Variants in PCED1B observed in about 807,000 individuals in gnomAD.
PCED1B encodes the protein PC-esterase domain-containing protein 1B.
For missense variants in PCED1B, 573 were observed against 573.9 expected (o/e 1.00, Z 0.02); for synonymous variants, 251 against 246.1 (o/e 1.02, Z -0.19).
intron 3 of PCED1B, among the ~76,000 whole-genome samples, chr12:47,218,821 T>C (rs541303863): frequency 2.4e-4 from 37 of 152,086 alleles, no homozygotes; most frequent in Non-Finnish European, 4.9e-4. Context: ...TTGCTCTCAT[T>C]TTTAAATTCA....
At chr12:47,218,506 C>A (rs986708443) in intron 3 of PCED1B, among the ~76,000 whole-genome samples, 2 of 152,118 alleles carry the variant, frequency 1.3e-5, no homozygotes, top group Non-Finnish European at 2.9e-5. Context: ...AAGGCAGAGA[C>A]AGTGTCTTGC....
chr12:47,100,469 C>A (rs563519871), intron 1 of PCED1B, among the ~76,000 whole-genome samples: 27 of 152,168 alleles, frequency 1.8e-4, no homozygotes, highest in Non-Finnish European at 3.1e-4. Context: ...GGAATTCTTG[C>A]ATTTAAAGCA....
Position 47,090,952 on chromosome 12 carries a change from T to A in PCED1B, c.-609+11227T>A, listed in dbSNP as rs576710488. Among the ~76,000 whole-genome samples the A allele has an allele frequency of 2.0e-5, 3 of 152,274 alleles. No individual in the cohort carries two copies. The East Asian group carries it at 5.8e-4, about 30-fold the overall frequency. ...TCCAACAAATGGTTGTTCCAATTTT[T>A]GTCTACTAACAAGTACTGTTGCCAT... On this transcript the variant is annotated intron_variant, in intron 1 of 3. Coordinates refer to ENST00000546455, the MANE Select transcript of PCED1B (RefSeq NM_138371.3).
In PCED1B at chr12:47,112,801, C is replaced by G. The variant is rs1188229862; in HGVS notation, c.-526+8606C>G. On this transcript the variant is annotated intron_variant, in intron 2 of 3. Coordinates refer to ENST00000546455, the MANE Select transcript of PCED1B (RefSeq NM_138371.3). Reference sequence around the variant, plus strand: ...ATTCTTCCCTGGGCTCCAGGGAGTACTGGGATTATTCAAGTGCTTCCTTCC... The same window carrying G: ...ATTCTTCCCTGGGCTCCAGGGAGTAGTGGGATTATTCAAGTGCTTCCTTCC... Among the ~76,000 whole-genome samples the G allele has an allele frequency of 2.0e-5, 3 of 152,156 alleles. No individual in the cohort carries two copies. In the East Asian group the frequency reaches 5.8e-4, roughly 29 times the overall value.
At chr12:47,202,972 C>CTT (rs59472089) in intron 2 of PCED1B, among the ~76,000 whole-genome samples, 36 of 142,670 alleles carry the variant, frequency 2.5e-4, no homozygotes, top group Admixed American at 5.6e-4. Context: ...TCTTTTCTTT[C>CTT]TTTTTTTTTT....
intron 2 of PCED1B, among the ~76,000 whole-genome samples, chr12:47,112,366 G>T (rs1342483365): frequency 2.0e-5 from 3 of 152,128 alleles, no homozygotes; most frequent in Admixed American, 6.5e-5. Flanking sequence ...TAAAAGCTAT[G>T]CTTTAGAATT....
At chr12:47,172,398 A>G (rs2137559333) in intron 2 of PCED1B, among the ~76,000 whole-genome samples, 1 of 136,212 alleles carries the variant, frequency 7.3e-6, no homozygotes, top group South Asian at 2.3e-4. Flanking sequence ...GTTGTTTGGA[A>G]GCAGAGGCTG....
At chr12:47,126,292 C>G (rs1939886026) in intron 2 of PCED1B, among the ~76,000 whole-genome samples, 1 of 151,960 alleles carries the variant, frequency 6.6e-6, no homozygotes, top group Admixed American at 6.6e-5. Flanking sequence ...TCATTTTAGT[C>G]TGTTAATATG....
Position 47,104,201 on chromosome 12 carries a change from T to C in PCED1B, c.-526+6T>C, listed in dbSNP as rs989091339. 4 of 152,138 alleles carry C rather than the reference T, an allele frequency of 2.6e-5. No homozygotes were observed. Among genetic ancestry groups the C allele is most frequent in the African/African-American group, 9.7e-5 (4 of 41,430 alleles). 9.4% of individuals were successfully genotyped at this position (152,138 alleles called of 1,614,324 possible). On this transcript the variant is annotated splice_donor_region_variant and intron_variant, in intron 2 of 3. Coordinates refer to ENST00000546455, the MANE Select transcript of PCED1B (RefSeq NM_138371.3). ...ACTCTGCCTCCTACAAATATGTGAG[T>C]TTTTCTCCCCTGGCTTCATGGTAGA...
At chr12:47,180,124 G>T (rs992179562) in intron 2 of PCED1B, among the ~76,000 whole-genome samples, 1 of 152,070 alleles carries the variant, frequency 6.6e-6, no homozygotes, top group African/African-American at 2.4e-5. Context: ...CCCAGTGTGT[G>T]GTGTTCCTCA....
At chr12:47,127,633 G>A (rs1371197200) in intron 2 of PCED1B, among the ~76,000 whole-genome samples, 2 of 151,858 alleles carry the variant, frequency 1.3e-5, no homozygotes, top group Non-Finnish European at 2.9e-5. Context: ...CAAAGTGCTA[G>A]GATTACAGGT....
chr12:47,152,368 C>T (rs982815475), intron 2 of PCED1B, among the ~76,000 whole-genome samples: 12 of 152,140 alleles, frequency 7.9e-5, no homozygotes, highest in African/African-American at 2.7e-4. Context: ...CACAATATTG[C>T]TTCTGGAGTC....
intron 2 of PCED1B, among the ~76,000 whole-genome samples, chr12:47,214,057 G>T (rs1413998272): frequency 6.6e-6 from 1 of 152,244 alleles, no homozygotes; most frequent in East Asian, 1.9e-4. Context: ...AATAATGGCA[G>T]ATTTTTCAAA....
At chr12:47,180,132 T>C (rs1250243500) in intron 2 of PCED1B, among the ~76,000 whole-genome samples, 1 of 152,156 alleles carries the variant, frequency 6.6e-6, no homozygotes, top group Non-Finnish European at 1.5e-5. Flanking sequence ...GTGGTGTTCC[T>C]CACTATGTGT....
chr12:47,088,467 G>A (rs907106619), intron 1 of PCED1B, among the ~76,000 whole-genome samples: 1 of 152,152 alleles, frequency 6.6e-6, no homozygotes. Context: ...CTGGGGACTC[G>A]AAGGTGGCAT....
In PCED1B at chr12:47,230,162, A is replaced by G. The variant is rs1248325547; in HGVS notation, c.-57-4845A>G. Among the ~76,000 whole-genome samples, 12 of 128,308 alleles carry G rather than the reference A, an allele frequency of 9.4e-5. No individual in the cohort carries two copies. The East Asian group carries it at 2.9e-3, about 32-fold the overall frequency. The allele number at this position is 128,308 out of a possible 152,430, so 84.2% of individuals were successfully genotyped here. On this transcript the variant is annotated intron_variant, in intron 3 of 3. Transcript: ENST00000546455. The stretch of plus-strand genomic sequence containing the variant: ...TGCAGTGGCAGGATCTCGGCTCACT[A>G]CAAGTTCCGCCTCCCAGGTTCACAC...
intron 3 of PCED1B, among the ~76,000 whole-genome samples, chr12:47,223,139 A>G (rs955793423): frequency 3.9e-5 from 6 of 152,104 alleles, no homozygotes; most frequent in African/African-American, 1.4e-4. Flanking sequence ...AAAGACCAAC[A>G]TTTGGGGAAC....
intron 2 of PCED1B, among the ~76,000 whole-genome samples, chr12:47,152,947 T>C (rs932289371): frequency 6.6e-6 from 1 of 151,046 alleles, no homozygotes; most frequent in African/African-American, 2.4e-5. Context: ...AAAAATAAAA[T>C]AAAATAACAT....
At chr12:47,090,025 G>A (rs1004632596) in intron 1 of PCED1B, among the ~76,000 whole-genome samples, 15 of 152,084 alleles carry the variant, frequency 9.9e-5, no homozygotes, top group Admixed American at 6.5e-4. Context: ...CACCCACCTC[G>A]GCTTCCCAAA....
Sources: allele counts gnomAD v4.1 joint callset (sites outside exome capture counted in the v4.1 genomes callset), GRCh38; gene constraint gnomAD v4.1.1; transcripts MANE v1.5; gene names NCBI Gene and HGNC (gene_info 2026-07-23, HGNC 2026-07-21).